LYPD6B: variants seen among roughly 807,000 people sequenced by gnomAD.
LYPD6B encodes LY6/PLAUR domain containing 6B.
A neutral mutation model predicts 22.8 loss-of-function variants in LYPD6B; 17 were observed. The ratio of observed to expected loss-of-function variants is 0.75; its 90% CI spans 0.51 to 1.12. LYPD6B has a LOEUF of 1.12. LYPD6B is among the 50% of genes most tolerant of loss of function. The pLI, the probability that LYPD6B is intolerant of heterozygous loss-of-function variation, is 0.00. For missense variants in LYPD6B, 221 were observed against 258.3 expected, an observed-to-expected ratio of 0.86 and a Z score of 0.99; for synonymous variants, 106 against 91.6, an observed-to-expected ratio of 1.16 and a Z score of -0.90.
intron 2 of LYPD6B, among the ~76,000 whole-genome samples, chr2:149,151,247 GA>G (rs1689355241): frequency 6.6e-6 from 1 of 152,100 alleles, no homozygotes; most frequent in African/African-American, 2.4e-5. Context: ...TTTCTCCGGA[GA>G]AGAATTCTCC....
intron 3 of LYPD6B, among the ~76,000 whole-genome samples, chr2:149,200,345 C>G (rs1559073912): frequency 6.6e-6 from 1 of 152,142 alleles, no homozygotes; most frequent in Non-Finnish European, 1.5e-5. Context: ...TTTCAAATCA[C>G]CTTTCATCAT....
chr2:149,116,437 G>A (rs1687008978), intron 1 of LYPD6B, among the ~76,000 whole-genome samples: 1 of 152,146 alleles, frequency 6.6e-6, no homozygotes, highest in African/African-American at 2.4e-5. Flanking sequence ...CCATACTGCT[G>A]TAGGTATAAA....
intron 1 of LYPD6B, among the ~76,000 whole-genome samples, chr2:149,099,258 T>C (rs963964610): frequency 1.3e-5 from 2 of 152,124 alleles, no homozygotes; most frequent in East Asian, 1.9e-4. Flanking sequence ...AAAAATTATA[T>C]GTTGTTTATA....
intron 2 of LYPD6B, among the ~76,000 whole-genome samples, chr2:149,157,087 T>C (rs1199055995): frequency 6.6e-6 from 1 of 152,146 alleles, no homozygotes; most frequent in African/African-American, 2.4e-5. Context: ...GGGTAAGTAA[T>C]TACTTCGGAC....
chr2:149,197,872 A>G (rs952754902), intron 3 of LYPD6B, among the ~76,000 whole-genome samples: 1 of 152,162 alleles, frequency 6.6e-6, no homozygotes, highest in Non-Finnish European at 1.5e-5. Flanking sequence ...TATGGAAACA[A>G]ACAGGGTAAA....
At chr2:149,049,997 A>G (rs55824077) in intron 1 of LYPD6B, among the ~76,000 whole-genome samples, 201 of 152,310 alleles carry the variant, frequency 1.3e-3, no homozygotes, top group African/African-American at 4.6e-3. Flanking sequence ...AATTGTTTCT[A>G]TAGCAGAGGA....
At position 149,213,054 on chromosome 2, in the gene LYPD6B, A is replaced by G. The variant is rs2106187565; in HGVS notation, c.391A>G (p.Lys131Glu). 2 of 1,613,934 alleles carry G rather than the reference A, an allele frequency of 1.2e-6. No individual in the cohort carries two copies. The highest frequency in any genetic ancestry group is 1.7e-6 in the Non-Finnish European group (2 of 1,179,822). ...TSHGRSTSIT[K>E]KCASRSECHF... ...CCACGGAAGAAGCACATCCATCACC[A>G]AAAAGTGTGCCTCCAGAAGTGAATG... Residue 131 changes from lysine to glutamate, a missense_variant, in exon 6 of 7, where the codon AAA (lysine) becomes GAA (glutamate). Lys to Glu is a moderately conservative substitution (Grantham distance 56). Coordinates refer to ENST00000409642, the MANE Select transcript of LYPD6B (RefSeq NM_177964.5).
chr2:149,071,098 G>A (rs1684582391), intron 1 of LYPD6B, among the ~76,000 whole-genome samples: 1 of 152,204 alleles, frequency 6.6e-6, no homozygotes. Context: ...TGTAAATAGC[G>A]ATAAAGCAGT....
intron 3 of LYPD6B, among the ~76,000 whole-genome samples, chr2:149,176,311 TTG>T (rs938664639): frequency 6.6e-6 from 1 of 152,194 alleles, no homozygotes; most frequent in Non-Finnish European, 1.5e-5. Flanking sequence ...ATGTGTGTGT[TTG>T]TGTTACTTGT....
At chr2:149,147,348 G>A (rs1417858615) in intron 2 of LYPD6B, among the ~76,000 whole-genome samples, 1 of 152,200 alleles carries the variant, frequency 6.6e-6, no homozygotes, top group Non-Finnish European at 1.5e-5. Flanking sequence ...ATCCAGAGGA[G>A]GGTATCTCTG....
intron 1 of LYPD6B, among the ~76,000 whole-genome samples, chr2:149,082,427 A>T (rs1685179191): frequency 6.6e-6 from 1 of 152,240 alleles, no homozygotes; most frequent in African/African-American, 2.4e-5. Context: ...ATAGATGCCT[A>T]GACATGCAAG....
chr2:149,208,371 A>G lies in LYPD6B; in HGVS notation c.287A>G (p.Tyr96Cys), dbSNP rs747148256. Residue 96 changes from tyrosine to cysteine, a missense_variant, in exon 5 of 7, where the codon TAT (tyrosine) becomes TGT (cysteine). By Grantham distance (194) the Tyr-to-Cys change is radical. Coordinates refer to ENST00000409642, the MANE Select transcript of LYPD6B (RefSeq NM_177964.5). ...ACTTGTGAAAACGCAGGGGATAATT[A>G]TAACTGCAATCGATGGGCAGAAGAC... ...CFTCENAGDNYNCNRWAEDKW... is the reference protein window; with the variant it reads ...CFTCENAGDNCNCNRWAEDKW... 1 of 1,613,810 alleles carries G rather than the reference A, an allele frequency of 6.2e-7. No individual in the cohort carries two copies. Among genetic ancestry groups the G allele is most frequent in the South Asian group, 1.1e-5 (1 of 91,062 alleles).
At chr2:149,184,148 A>C (rs10196655) in intron 3 of LYPD6B, among the ~76,000 whole-genome samples, 124,939 of 151,722 alleles carry the variant, frequency 0.82, 53,349 homozygotes, top group South Asian at 0.97. Flanking sequence ...GCCAAGATTG[A>C]GCCATTGCAC....
At chr2:149,183,005 G>A (rs1336169970) in intron 3 of LYPD6B, among the ~76,000 whole-genome samples, 1 of 152,026 alleles carries the variant, frequency 6.6e-6, no homozygotes, top group East Asian at 1.9e-4. Flanking sequence ...ATTTTTTTTA[G>A]ATAACTAGAA....
Position 149,093,621 on chromosome 2 carries a change from G to T in LYPD6B, c.-66-37262G>T, listed in dbSNP as rs59725864. Among the ~76,000 whole-genome samples, 1,003 of 152,038 alleles carry T rather than the reference G, an allele frequency of 6.6e-3. 16 individuals are homozygous for T. The highest frequency in any genetic ancestry group is 0.022 in the African/African-American group (923 of 41,478). ...CTTGTTCACTATCTGGACAGAACTG[G>T]GTCTCTTTATTACCTATTTCTACAT... On this transcript the variant is annotated intron_variant, in intron 1 of 6. Transcript: ENST00000409642.
At chr2:149,087,007 A>AT (rs35505094) in intron 1 of LYPD6B, among the ~76,000 whole-genome samples, 83,736 of 150,036 alleles carry the variant, frequency 0.56, 23,851 homozygotes, top group Admixed American at 0.64. Context: ...GTAAGAAGGT[A>AT]TTTTTTTTTT....
At chr2:149,195,858 A>C (rs1380925677) in intron 3 of LYPD6B, among the ~76,000 whole-genome samples, 15 of 152,140 alleles carry the variant, frequency 9.9e-5, no homozygotes, top group Admixed American at 9.8e-4. Context: ...GGTATTTGAT[A>C]TCTCTATTTT....
At chr2:149,040,631 T>TGATA (rs1466050325) in intron 1 of LYPD6B, among the ~76,000 whole-genome samples, 6 of 152,166 alleles carry the variant, frequency 3.9e-5, no homozygotes, top group Admixed American at 2.0e-4. Context: ...CGACTGTGAT[T>TGATA]GATAGACTGG....
intron 1 of LYPD6B, among the ~76,000 whole-genome samples, chr2:149,041,098 C>CAAAA (rs552623435): frequency 1.8e-5 from 2 of 110,776 alleles, no homozygotes; most frequent in African/African-American, 7.6e-5. Flanking sequence ...GACTCCGTCT[C>CAAAA]AAAAAAAAAA....
Sources: gnomAD v4.1 joint callset for allele counts (sites outside exome capture counted in the v4.1 genomes callset) on GRCh38, gnomAD v4.1.1 for gene constraint, MANE v1.5 for transcripts, NCBI Gene and HGNC (gene_info 2026-07-23, HGNC 2026-07-21) for gene names.